PGBD5: variants seen among roughly 807,000 people sequenced by gnomAD.
PGBD5 encodes the protein piggyBac transposable element-derived protein 5.
PGBD5 carries 14 observed loss-of-function variants against 47.9 expected under a neutral mutation model. That is an observed-to-expected ratio of 0.29 (90% CI 0.19 to 0.46). The LOEUF is 0.46. PGBD5 is among the 20% of genes least tolerant of loss of function. PGBD5 has a pLI of 1.00. For missense variants in PGBD5, 635 were observed against 716.0 expected, an observed-to-expected ratio of 0.89 and a Z score of 1.29; for synonymous variants, 316 against 306.3, an observed-to-expected ratio of 1.03 and a Z score of -0.33.
At chr1:230,424,817 A>G (rs1309809159) in intron 1 of PGBD5, among the ~76,000 whole-genome samples, 4 of 152,198 alleles carry the variant, frequency 2.6e-5, no homozygotes, top group African/African-American at 2.4e-5. Flanking sequence ...GGAAGTGGTG[A>G]TATTTCAACA....
intron 5 of PGBD5, among the ~76,000 whole-genome samples, chr1:230,331,878 C>T (rs1185084451): frequency 3.3e-5 from 5 of 151,918 alleles, no homozygotes; most frequent in Non-Finnish European, 7.4e-5. Flanking sequence ...AGTATTGATG[C>T]CCATCTGCTG....
chr1:230,402,648 C>T (rs11122506), intron 1 of PGBD5, among the ~76,000 whole-genome samples: 32,115 of 152,004 alleles, frequency 0.21, 3,893 homozygotes, highest in Admixed American at 0.37. Context: ...AGAGATTTTG[C>T]TGCCCAGGTT....
At chr1:230,398,600 A>G (rs1657056768) in intron 1 of PGBD5, among the ~76,000 whole-genome samples, 1 of 152,210 alleles carries the variant, frequency 6.6e-6, no homozygotes, top group Admixed American at 6.5e-5. Flanking sequence ...GCAGAACTAG[A>G]CAGAACTAGG....
intron 5 of PGBD5, among the ~76,000 whole-genome samples, chr1:230,329,598 G>A (rs1204859537): frequency 6.6e-6 from 1 of 152,178 alleles, no homozygotes; most frequent in African/African-American, 2.4e-5. Flanking sequence ...TGCAACCTCT[G>A]TCTCCCAGGT....
chr1:230,351,227 C>T, intron 2 of PGBD5, 135 bp from the exon 3 acceptor site: 3 of 959,332 alleles, frequency 3.1e-6, no homozygotes, highest in Non-Finnish European at 4.4e-6. Context: ...CCTCTCTGAT[C>T]CTGACCCTTC....
intron 1 of PGBD5, among the ~76,000 whole-genome samples, chr1:230,382,803 T>C (rs1336451275): frequency 3.3e-5 from 5 of 152,140 alleles, no homozygotes; most frequent in Admixed American, 1.3e-4. Flanking sequence ...CAGAAGCTTA[T>C]ATACTGTCTT....
In PGBD5 at chr1:230,315,014, C is replaced by G. The variant is rs567870597; in HGVS notation, c.*8411G>C. On this transcript the variant is annotated 3_prime_UTR_variant, in exon 7 of 7. Coordinates refer to ENST00000391860, the MANE Select transcript of PGBD5 (RefSeq NM_001258311.2). ...AGAGCTTGGAGGGTGACAGCCTCCC[C>G]CTGAGAGAGCCAGTTGTGTTCATGA... The G allele has an allele frequency of 3.9e-5, 6 of 152,000 alleles. No homozygotes were observed. The highest frequency in any genetic ancestry group is 2.6e-4 in the Admixed American group (4 of 15,286). The allele number at this position is 152,000 out of a possible 1,614,324, so 9.4% of individuals were successfully genotyped here.
intron 1 of PGBD5, chr1:230,367,844 AATTTCATTCTCG>A (rs1667863294): frequency 2.7e-4 from 31 of 115,056 alleles, no homozygotes; most frequent in Middle Eastern, 3.0e-3. Context: ...TCTCGCGTCC[AATTTCATTCTCG>A]CAACAGCCAA....
rs73119518 is a variant in PGBD5, at chr1:230,316,162, G to T, written c.*7263C>A. ...TGTATATGTGTACACATATATGTAT[G>T]TGTATACATACATACGTACACATGT... is the stretch of plus-strand genomic sequence containing the variant. On this transcript the variant is annotated 3_prime_UTR_variant, in exon 7 of 7. Coordinates refer to ENST00000391860, the MANE Select transcript of PGBD5 (RefSeq NM_001258311.2). 17,415 of 144,518 alleles carry T rather than the reference G, an allele frequency of 0.12. 1,632 individuals carry two copies. Among genetic ancestry groups the T allele is most frequent in the African/African-American group, 0.25 (9,756 of 38,396 alleles). The allele number at this position is 144,518 out of a possible 1,614,324, so 9.0% of individuals were successfully genotyped here.
chr1:230,368,488 C>T (rs927705140), intron 1 of PGBD5, among the ~76,000 whole-genome samples: 1 of 152,240 alleles, frequency 6.6e-6, no homozygotes, highest in African/African-American at 2.4e-5. Flanking sequence ...CTGTTCCTGG[C>T]TGCATCTTCA....
chr1:230,396,538 A>AC (rs1656982906), intron 1 of PGBD5, among the ~76,000 whole-genome samples: 1 of 134,866 alleles, frequency 7.4e-6, no homozygotes, highest in Non-Finnish European at 1.6e-5. Flanking sequence ...AGCCCCCTTG[A>AC]CAGCTAAGGT....
chr1:230,414,586 GAGGTTCTGTTCCAGGT>G (rs1349847430), intron 1 of PGBD5, among the ~76,000 whole-genome samples: 3 of 152,254 alleles, frequency 2.0e-5, no homozygotes, highest in South Asian at 4.1e-4. Context: ...AATTTCCAAT[GAGGTTCTGTTCCAGGT>G]CTCCACTGGC....
intron 2 of PGBD5, among the ~76,000 whole-genome samples, chr1:230,354,155 A>G (rs983760928): frequency 6.6e-6 from 1 of 151,960 alleles, no homozygotes; most frequent in Non-Finnish European, 1.5e-5. Context: ...TAAACACCCA[A>G]CCGTACTCTG....
chr1:230,329,465 G>A (rs1048968260), intron 5 of PGBD5, among the ~76,000 whole-genome samples: 1 of 152,174 alleles, frequency 6.6e-6, no homozygotes, highest in Non-Finnish European at 1.5e-5. Flanking sequence ...ATAAGATAGA[G>A]CTGAGAAGTA....
intron 5 of PGBD5, among the ~76,000 whole-genome samples, chr1:230,328,545 T>C (rs1272435920): frequency 3.3e-5 from 5 of 152,170 alleles, no homozygotes; most frequent in Non-Finnish European, 5.9e-5. Flanking sequence ...GAGAATGGCG[T>C]GTATGTCATG....
intron 1 of PGBD5, among the ~76,000 whole-genome samples, chr1:230,400,318 A>C (rs1313107970): frequency 2.0e-5 from 3 of 152,170 alleles, no homozygotes; most frequent in Non-Finnish European, 4.4e-5. Context: ...TTAATTCTGC[A>C]ACAGACGCCT....
intron 1 of PGBD5, among the ~76,000 whole-genome samples, chr1:230,408,101 G>T (rs569637179): frequency 6.6e-6 from 1 of 152,130 alleles, no homozygotes; most frequent in African/African-American, 2.4e-5. Flanking sequence ...CAACTGAATC[G>T]CTCTTAATTT....
chr1:230,411,307 T>A (rs1465306129), intron 1 of PGBD5, among the ~76,000 whole-genome samples: 1 of 151,798 alleles, frequency 6.6e-6, no homozygotes, highest in East Asian at 1.9e-4. Flanking sequence ...AGAGGGGAAG[T>A]GAGGGAGGAT....
intron 1 of PGBD5, among the ~76,000 whole-genome samples, chr1:230,372,488 C>T (rs1052220413): frequency 3.3e-5 from 5 of 152,224 alleles, no homozygotes; most frequent in South Asian, 2.1e-4. Flanking sequence ...CCGCCATCAT[C>T]CCACGAATGT....
Sources: allele counts gnomAD v4.1 joint callset (sites outside exome capture counted in the v4.1 genomes callset), GRCh38; gene constraint gnomAD v4.1.1; transcripts MANE v1.5; gene names NCBI Gene and HGNC (gene_info 2026-07-23, HGNC 2026-07-21).